Variants in RHBDL3 observed in about 807,000 individuals in gnomAD.
RHBDL3 encodes rhomboid-related protein 3.
RHBDL3 carries 28 observed loss-of-function variants against 48.2 expected under a neutral mutation model. The observed-to-expected ratio is 0.58, with a 90% CI of 0.43 to 0.80. RHBDL3 has a LOEUF of 0.80. Among genes scored for constraint, RHBDL3 ranks in the 30% least tolerant of loss-of-function variants. RHBDL3 has a pLI of 0.00. For missense variants in RHBDL3, 464 were observed against 542.7 expected, an observed-to-expected ratio of 0.85 and a Z score of 1.44; for synonymous variants, 208 against 232.3, an observed-to-expected ratio of 0.90 and a Z score of 0.95.
chr17:32,314,465 G>A (rs1459686505), intron 7 of RHBDL3, among the ~76,000 whole-genome samples: 1 of 152,066 alleles, frequency 6.6e-6, no homozygotes, highest in Non-Finnish European at 1.5e-5. Context: ...TTACAGGCAT[G>A]AGCCACCGCG....
chr17:32,289,496 G>T (rs1158700117), intron 4 of RHBDL3, among the ~76,000 whole-genome samples: 5 of 152,206 alleles, frequency 3.3e-5, no homozygotes, highest in African/African-American at 9.6e-5. Flanking sequence ...TATTTAAAGT[G>T]AGAGAATGGC....
rs761550396 is a variant in RHBDL3, at chr17:32,305,453, C to T, written c.882+12C>T. On this transcript the variant is annotated intron_variant, in intron 7 of 8. Transcript: ENST00000269051. ...CCAACATTGTCATGGTGAGCACCTC[C>T]CGTTCTCAATGTGTCTTTCTGGCCC... 5 of 1,553,634 alleles carry T rather than the reference C, an allele frequency of 3.2e-6. No homozygotes were observed. The highest frequency in any genetic ancestry group is 4.4e-6 in the Non-Finnish European group (5 of 1,124,838).
intron 8 of RHBDL3, among the ~76,000 whole-genome samples, chr17:32,320,379 C>T (rs993994304): frequency 1.3e-5 from 2 of 152,138 alleles, no homozygotes; most frequent in African/African-American, 2.4e-5. Flanking sequence ...CCAGCTGCAG[C>T]GCAGTAGTGC....
rs554042222 is a variant in RHBDL3 at position 32,297,996 on chromosome 17, A to T, written c.669-96A>T. The T allele has an allele frequency of 1.1e-5, 10 of 877,174 alleles. No individual in the cohort carries two copies. The East Asian group carries it at 2.5e-4, about 22-fold the overall frequency. The allele number at this position is 877,174 out of a possible 1,614,324, so 54.3% of individuals were successfully genotyped here. ...CAGAGGTGGTCTTGTTCATTGCTGG[A>T]TCCCTGGCATCTTGGGGGATGCAGG... On this transcript the variant is annotated intron_variant, in intron 5 of 8. Transcript: ENST00000269051.
intron 1 of RHBDL3, 94 bp from the exon 2 acceptor site, chr17:32,267,808 C>G: frequency 6.2e-7 from 1 of 1,602,888 alleles, no homozygotes; most frequent in Non-Finnish European, 8.5e-7. Flanking sequence ...GAGGCTATGT[C>G]AGAAACATCC....
At chr17:32,283,251 G>A (rs1287432394) in intron 2 of RHBDL3, among the ~76,000 whole-genome samples, 4 of 151,800 alleles carry the variant, frequency 2.6e-5, no homozygotes, top group East Asian at 1.9e-4. Context: ...GGTGGGCTCC[G>A]TGAGGAAAGG....
chr17:32,277,718 G>A (rs55755040), intron 2 of RHBDL3, among the ~76,000 whole-genome samples: 21,783 of 152,284 alleles, frequency 0.14, 1,737 homozygotes, highest in Admixed American at 0.17. Context: ...CGGCAAAGGG[G>A]CTAGGTTCAC....
chr17:32,276,522 C>T (rs1159343246), intron 2 of RHBDL3, among the ~76,000 whole-genome samples: 1 of 152,118 alleles, frequency 6.6e-6, no homozygotes, highest in Non-Finnish European at 1.5e-5. Context: ...GAACCACAAA[C>T]CCCTGGGCAG....
At chr17:32,311,996 AT>A (rs1374842876) in intron 7 of RHBDL3, among the ~76,000 whole-genome samples, 1 of 152,242 alleles carries the variant, frequency 6.6e-6, no homozygotes, top group Non-Finnish European at 1.5e-5. Flanking sequence ...AGGATGGCGC[AT>A]TTAACATCTA....
chr17:32,274,152 GAGAA>G (rs2150692563), intron 2 of RHBDL3, among the ~76,000 whole-genome samples: 1 of 152,346 alleles, frequency 6.6e-6, no homozygotes, highest in Admixed American at 6.5e-5. Context: ...ACTTTCCAGA[GAGAA>G]AGGAGAGAAG....
At chr17:32,281,313 C>T (rs2040037319) in intron 2 of RHBDL3, among the ~76,000 whole-genome samples, 1 of 152,046 alleles carries the variant, frequency 6.6e-6, no homozygotes, top group East Asian at 1.9e-4. Context: ...TTGTCTGCAG[C>T]CTGATCCCAG....
intron 2 of RHBDL3, among the ~76,000 whole-genome samples, chr17:32,278,532 A>G (rs903638509): frequency 1.3e-5 from 2 of 152,232 alleles, no homozygotes; most frequent in Non-Finnish European, 2.9e-5. Context: ...CTTAGTGAAT[A>G]TGTGTTAGGT....
chr17:32,320,867 G>A lies in RHBDL3; in HGVS notation c.944-91G>A, dbSNP rs140860789. ...CAGAGAATGGTGCTTGGCCTAATAG[G>A]GAATGAATTCATGGGTGGGTGATGA... On this transcript the variant is annotated intron_variant, in intron 8 of 8. Transcript: ENST00000269051. The A allele has an allele frequency of 1.0e-3, 890 of 892,488 alleles. 7 individuals are homozygous for A. In the East Asian group the frequency reaches 0.02, roughly 20 times the overall value. 55.3% of individuals were successfully genotyped at this position (892,488 alleles called of 1,614,324 possible). A position where few individuals can be genotyped will look rare whatever the true frequency, so the allele number is the denominator to read the frequency against.
Position 32,284,798 on chromosome 17 carries a change from A to G in RHBDL3, c.275A>G (p.Tyr92Cys). The G allele has an allele frequency of 6.2e-7, 1 of 1,613,886 alleles. No homozygotes were observed. Among genetic ancestry groups the G allele is most frequent in the Non-Finnish European group, 8.5e-7 (1 of 1,179,996 alleles). Reference protein sequence around the residue: ...ADSHADGQIGYQDFVSLMSNK... With the variant: ...ADSHADGQIGCQDFVSLMSNK... ...AGCCACGCGGATGGGCAGATCGGCT[A>G]CCAGGATTTTGTCAGCCTAGTGAGT... Residue 92 changes from tyrosine (Y) to cysteine (C), a missense_variant, in exon 3 of 9, where the codon TAC becomes TGC. By Grantham distance (194) the Tyr-to-Cys change is radical (BLOSUM62 -2). Coordinates refer to ENST00000269051, the MANE Select transcript of RHBDL3 (RefSeq NM_138328.3).
chr17:32,314,653 T>C (rs2040927466), intron 7 of RHBDL3, among the ~76,000 whole-genome samples: 1 of 152,212 alleles, frequency 6.6e-6, no homozygotes, highest in South Asian at 2.1e-4. Flanking sequence ...TGTTGGCTAC[T>C]TGGCAGTGGG....
At chr17:32,267,947 C>T in intron 2 of RHBDL3, 22 bp downstream of exon 2, 1 of 1,567,642 alleles carries the variant, frequency 6.4e-7, no homozygotes, top group Non-Finnish European at 8.8e-7. Context: ...GTTAACCCCC[C>T]ATTTCCTTCC....
At chr17:32,302,431 A>C (rs1181976144) in intron 6 of RHBDL3, among the ~76,000 whole-genome samples, 2 of 151,826 alleles carry the variant, frequency 1.3e-5, no homozygotes, top group Admixed American at 6.6e-5. Flanking sequence ...ATCTCGGCTC[A>C]CTGCAACCTC....
intron 1 of RHBDL3, among the ~76,000 whole-genome samples, chr17:32,267,108 C>T (rs1567757838): frequency 6.6e-6 from 1 of 152,164 alleles, no homozygotes; most frequent in South Asian, 2.1e-4. Context: ...CCTGCCCACT[C>T]CTCCCTCAGG....
At chr17:32,294,639 T>C (rs1488592894) in intron 5 of RHBDL3, among the ~76,000 whole-genome samples, 197 bp downstream of exon 5, 4 of 152,104 alleles carry the variant, frequency 2.6e-5, no homozygotes, top group African/African-American at 9.7e-5. Context: ...GGAAAATATA[T>C]AAGAAGGAAA....
Sources: gnomAD v4.1 joint callset for allele counts (sites outside exome capture counted in the v4.1 genomes callset) on GRCh38, gnomAD v4.1.1 for gene constraint, MANE v1.5 for transcripts, NCBI Gene and HGNC (gene_info 2026-07-23, HGNC 2026-07-21) for gene names.